FMN2: variants seen among roughly 807,000 people sequenced by gnomAD.
FMN2 encodes the protein formin 2.
A neutral mutation model predicts 142.3 loss-of-function variants in FMN2; 51 were observed. The observed-to-expected ratio is 0.36, with a 90% CI of 0.29 to 0.45. The LOEUF is 0.45. FMN2 is among the 20% of genes least tolerant of loss of function. The pLI, the probability that FMN2 is intolerant of heterozygous loss-of-function variation, is 1.00. For synonymous variants in FMN2, 882 were observed against 869.8 expected, an observed-to-expected ratio of 1.01 and a Z score of -0.25; for missense variants, 1,936 against 2,122.8, an observed-to-expected ratio of 0.91 and a Z score of 1.73.
intron 16 of FMN2, chr1:240,471,534 C>T (rs1310779906): frequency 6.6e-6 from 1 of 152,186 alleles, no homozygotes; most frequent in Non-Finnish European, 1.5e-5. Flanking sequence ...GCCACCACAC[C>T]CAGCTAATTT....
chr1:240,144,481 G>A, intron 2 of FMN2: 2 of 1,551,528 alleles, frequency 1.3e-6, no homozygotes, highest in Non-Finnish European at 1.8e-6. Context: ...CCCCATGCCA[G>A]CCTAGCATGA....
chr1:240,114,114 T>A (rs1279314067), intron 1 of FMN2, among the ~76,000 whole-genome samples: 1 of 152,216 alleles, frequency 6.6e-6, no homozygotes, highest in East Asian at 1.9e-4. Flanking sequence ...ATCAACCCTT[T>A]TTTTCCACTT....
intron 16 of FMN2, among the ~76,000 whole-genome samples, chr1:240,452,484 A>C (rs1676095189): frequency 6.6e-6 from 1 of 152,124 alleles, no homozygotes; most frequent in Non-Finnish European, 1.5e-5. Flanking sequence ...CAAAAATTTT[A>C]TCAGAAATAA....
At chr1:240,440,469 G>A (rs879692641) in intron 16 of FMN2, among the ~76,000 whole-genome samples, 2 of 151,642 alleles carry the variant, frequency 1.3e-5, no homozygotes, top group African/African-American at 4.9e-5. Flanking sequence ...CACTCTCTAA[G>A]TATCTCATAA....
chr1:240,165,001 C>G (rs992227642), intron 2 of FMN2, among the ~76,000 whole-genome samples: 1 of 152,076 alleles, frequency 6.6e-6, no homozygotes, highest in Non-Finnish European at 1.5e-5. Context: ...CCTTTTGACT[C>G]CATTTCTTCA....
intron 15 of FMN2, among the ~76,000 whole-genome samples, chr1:240,436,334 G>A (rs73130206): frequency 0.11 from 16,116 of 152,158 alleles, 2,027 homozygotes; most frequent in African/African-American, 0.31. Flanking sequence ...TCTGCCTAGA[G>A]CTTAAAAAGC....
chr1:240,163,926 G>A (rs1664379778), intron 2 of FMN2, among the ~76,000 whole-genome samples: 2 of 151,968 alleles, frequency 1.3e-5, no homozygotes, highest in African/African-American at 2.4e-5. Flanking sequence ...ATGGTGGAGT[G>A]CGGTGGCATA....
Position 240,131,428 on chromosome 1 carries a change from C to T in FMN2, c.1782+8083C>T, listed in dbSNP as rs551417947. The stretch of plus-strand genomic sequence containing the variant: ...ACAGCCATGAAAGAAGTCTATAGGT[C>T]GGGTGCGGTGGCTCACACGCCTGTA... On this transcript the variant is annotated intron_variant, in intron 2 of 17. Transcript: ENST00000319653. Among the ~76,000 whole-genome samples, 76 of 151,960 alleles carry T rather than the reference C, an allele frequency of 5.0e-4. 1 individual carries two copies. Among genetic ancestry groups the T allele is most frequent in the African/African-American group, 1.7e-3 (71 of 41,486 alleles).
intron 8 of FMN2, among the ~76,000 whole-genome samples, chr1:240,299,107 C>A (rs561319311): frequency 5.3e-5 from 8 of 151,934 alleles, no homozygotes; most frequent in African/African-American, 1.7e-4. Context: ...ACCGCCACAC[C>A]GGGCTAATTT....
intron 15 of FMN2, among the ~76,000 whole-genome samples, chr1:240,412,388 A>G (rs1157087070): frequency 2.0e-5 from 3 of 152,180 alleles, no homozygotes; most frequent in African/African-American, 7.2e-5. Flanking sequence ...TACTTTTATT[A>G]GATATTTGGA....
chr1:240,223,300 A>G (rs1007199401), intron 6 of FMN2, among the ~76,000 whole-genome samples: 3 of 152,146 alleles, frequency 2.0e-5, no homozygotes, highest in Non-Finnish European at 2.9e-5. Context: ...TGATTTATGT[A>G]TGTTGAACCA....
chr1:240,206,612 C>T (rs910227159), intron 4 of FMN2, among the ~76,000 whole-genome samples, 187 bp from the exon 5 acceptor site: 1 of 152,036 alleles, frequency 6.6e-6, no homozygotes, highest in African/African-American at 2.4e-5. Context: ...TGGTAAGTCA[C>T]GTGTGTTAAC....
chr1:240,309,474 G>C (rs1460584533), intron 8 of FMN2, among the ~76,000 whole-genome samples: 1 of 152,174 alleles, frequency 6.6e-6, no homozygotes, highest in East Asian at 1.9e-4. Context: ...GGCTGGTGCA[G>C]GTGCACAGTG....
intron 6 of FMN2, among the ~76,000 whole-genome samples, chr1:240,242,892 C>A (rs1302957467): frequency 6.6e-6 from 1 of 152,168 alleles, no homozygotes; most frequent in Non-Finnish European, 1.5e-5. Context: ...TGCTTTGCTT[C>A]TGAGATTGAA....
intron 5 of FMN2, among the ~76,000 whole-genome samples, chr1:240,209,260 T>C (rs927222298): frequency 6.6e-6 from 1 of 151,736 alleles, no homozygotes; most frequent in African/African-American, 2.4e-5. Context: ...TTTTTTTTTT[T>C]TTGGAGGGGG....
At chr1:240,315,873 A>C (rs1007166515) in intron 8 of FMN2, among the ~76,000 whole-genome samples, 9 of 152,302 alleles carry the variant, frequency 5.9e-5, no homozygotes, top group African/African-American at 1.4e-4. Flanking sequence ...AATGTGTAAA[A>C]ATGTATTTAA....
intron 16 of FMN2, among the ~76,000 whole-genome samples, chr1:240,461,495 A>G (rs1445843358): frequency 6.6e-5 from 10 of 152,214 alleles, no homozygotes; most frequent in Non-Finnish European, 1.3e-4. Flanking sequence ...GGGTGCTTAC[A>G]TTGCATTACA....
intron 1 of FMN2, among the ~76,000 whole-genome samples, chr1:240,098,652 C>A (rs895447520): frequency 2.6e-5 from 4 of 152,138 alleles, no homozygotes; most frequent in African/African-American, 9.7e-5. Context: ...TTCCATATAT[C>A]AGAGAAGAAT....
In FMN2 at chr1:240,092,061, G is replaced by C. The variant is rs749209324; in HGVS notation, c.-49G>C. ...CCGGACCTGGGGCCGAGGAGGGCCGGGATGGCCTGAGTGCCCGCGGCGCGG... is the reference window on the plus strand; with the variant it reads ...CCGGACCTGGGGCCGAGGAGGGCCGCGATGGCCTGAGTGCCCGCGGCGCGG... On this transcript the variant is annotated 5_prime_UTR_variant, in exon 1 of 18. Transcript: ENST00000319653. 1 of 1,517,126 alleles carries C rather than the reference G, an allele frequency of 6.6e-7. No individual in the cohort carries two copies. Among genetic ancestry groups the C allele is most frequent in the African/African-American group, 1.4e-5 (1 of 72,446 alleles). 94.0% of individuals were successfully genotyped at this position (1,517,126 alleles called of 1,614,324 possible).
Sources: gnomAD v4.1 joint callset for allele counts (sites outside exome capture counted in the v4.1 genomes callset) on GRCh38, gnomAD v4.1.1 for gene constraint, MANE v1.5 for transcripts, NCBI Gene and HGNC (gene_info 2026-07-23, HGNC 2026-07-21) for gene names.